The following SLC26A7 variants were observed in gnomAD, a reference collection of about 807,000 sequenced individuals.
SLC26A7 encodes solute carrier family 26 member 7.
In SLC26A7, 59 loss-of-function variants were observed where a neutral mutation model predicts 82.5. The ratio of observed to expected loss-of-function variants is 0.72; its 90% CI spans 0.58 to 0.89. The LOEUF is 0.89. Among genes scored for constraint, SLC26A7 ranks in the 40% least tolerant of loss-of-function variants. The pLI, the probability that SLC26A7 is intolerant of heterozygous loss-of-function variation, is 0.00. For missense variants in SLC26A7, 820 were observed against 793.0 expected (o/e 1.03, Z -0.41); for synonymous variants, 271 against 274.3 (o/e 0.99, Z 0.12).
At chr8:91,227,016 G>T (rs1168252814) in intron 2 of SLC26A7, among the ~76,000 whole-genome samples, 1 of 152,218 alleles carries the variant, frequency 6.6e-6, no homozygotes, top group East Asian at 1.9e-4. Context: ...CTTCTGCCCT[G>T]TGGGGTCAAC....
chr8:91,224,964 C>T (rs1280230001), intron 2 of SLC26A7, among the ~76,000 whole-genome samples: 1 of 152,204 alleles, frequency 6.6e-6, no homozygotes, highest in African/African-American at 2.4e-5. Flanking sequence ...CTCTGGCCAC[C>T]GACTGACACA....
intron 7 of SLC26A7, among the ~76,000 whole-genome samples, 197 bp from the exon 8 acceptor site, chr8:91,340,207 G>A (rs1813363441): frequency 6.6e-6 from 1 of 152,172 alleles, no homozygotes; most frequent in Non-Finnish European, 1.5e-5. Flanking sequence ...TCCCTGTGGT[G>A]TTCCTTGTAA....
chr8:91,378,443 G>T (rs1470468692), intron 15 of SLC26A7, among the ~76,000 whole-genome samples: 1 of 144,632 alleles, frequency 6.9e-6, no homozygotes, highest in Non-Finnish European at 1.5e-5. Flanking sequence ...ATAATATAAA[G>T]TATATATAAA....
intron 2 of SLC26A7, among the ~76,000 whole-genome samples, chr8:91,285,067 G>A (rs1012958629): frequency 1.3e-5 from 2 of 152,190 alleles, no homozygotes; most frequent in Non-Finnish European, 2.9e-5. Context: ...TGACAGGTTT[G>A]GTTTCTTCTG....
In SLC26A7 at chr8:91,302,118, C is replaced by A. The variant is rs111910452; in HGVS notation, c.477+6415C>A. Reference sequence around the variant, plus strand: ...TTACTAACATTTTCCTTCTAACCTACTGTATAATCATTTTTTTGTGAGTGT... The same window carrying A: ...TTACTAACATTTTCCTTCTAACCTAATGTATAATCATTTTTTTGTGAGTGT... On this transcript the variant is annotated intron_variant, in intron 4 of 18. Coordinates refer to ENST00000276609, the MANE Select transcript of SLC26A7 (RefSeq NM_052832.4). Among the ~76,000 whole-genome samples, 231 of 152,156 alleles carry A rather than the reference C, an allele frequency of 1.5e-3. 2 individuals carry two copies. The highest frequency in any genetic ancestry group is 5.5e-3 in the African/African-American group (228 of 41,550).
intron 1 of SLC26A7, among the ~76,000 whole-genome samples, chr8:91,215,794 G>T (rs2130654325): frequency 6.6e-6 from 1 of 152,246 alleles, no homozygotes; most frequent in African/African-American, 2.4e-5. Context: ...ATGAGGTTTT[G>T]TTAATTGAGG....
At chr8:91,359,239 T>G (rs1813977346) in intron 11 of SLC26A7, among the ~76,000 whole-genome samples, 1 of 152,218 alleles carries the variant, frequency 6.6e-6, no homozygotes, top group South Asian at 2.1e-4. Context: ...AGGATACGGC[T>G]TAAGATTTTT....
At position 91,362,430 on chromosome 8, in the gene SLC26A7, C is replaced by T. The variant is rs527879455; in HGVS notation, c.1392C>T (p.Thr464=). 3.0e-5 allele frequency: 48 copies of T among 1,613,146 alleles called. No individual in the cohort carries two copies. In the African/African-American group the frequency reaches 6.3e-4, roughly 21 times the overall value. Residue 464 remains threonine, a synonymous_variant, in exon 12 of 19, where the codon ACC becomes ACT. Transcript: ENST00000276609. The part of the protein sequence containing the change: ...NVGLLFGVVC[T]IAIVIGRFPR... ...GACTGCTGTTTGGTGTTGTTTGTAC[C>T]ATAGCTATAGTGATAGGACGCTTCC...
intron 3 of SLC26A7, among the ~76,000 whole-genome samples, chr8:91,292,440 A>G (rs1394281854): frequency 1.3e-5 from 2 of 152,146 alleles, no homozygotes; most frequent in Non-Finnish European, 2.9e-5. Flanking sequence ...GTTCCTGCAA[A>G]TTAATATACA....
At chr8:91,347,256 T>G (rs1393305276) in intron 9 of SLC26A7, among the ~76,000 whole-genome samples, 1 of 152,188 alleles carries the variant, frequency 6.6e-6, no homozygotes, top group Non-Finnish European at 1.5e-5. Context: ...TGTTGCACAT[T>G]TACAGAAAAT....
intron 15 of SLC26A7, among the ~76,000 whole-genome samples, chr8:91,383,264 G>C (rs984629453): frequency 2.0e-5 from 3 of 152,170 alleles, no homozygotes; most frequent in Non-Finnish European, 4.4e-5. Context: ...CAATACAAAT[G>C]ATGATTCTGA....
chr8:91,246,204 G>A (rs941172032), upstream of SLC26A7, among the ~76,000 whole-genome samples: 2 of 152,140 alleles, frequency 1.3e-5, no homozygotes, highest in Non-Finnish European at 2.9e-5. Context: ...ACTTTTGGAT[G>A]AACATTTGTA....
chr8:91,229,078 C>T (rs1323260816), intron 2 of SLC26A7, among the ~76,000 whole-genome samples: 3 of 152,160 alleles, frequency 2.0e-5, no homozygotes, highest in African/African-American at 4.8e-5. Flanking sequence ...AAAGGGATTC[C>T]TTTAAAATGT....
chr8:91,291,338 T>G (rs1811862544), intron 3 of SLC26A7, among the ~76,000 whole-genome samples: 1 of 152,114 alleles, frequency 6.6e-6, no homozygotes, highest in Non-Finnish European at 1.5e-5. Flanking sequence ...TACAACTCAC[T>G]GTTCAAGAAT....
chr8:91,256,576 C>T (rs927401705), intron 2 of SLC26A7, among the ~76,000 whole-genome samples: 1 of 152,008 alleles, frequency 6.6e-6, no homozygotes, highest in African/African-American at 2.4e-5. Context: ...TACAGTTTCC[C>T]AGGACCTCCA....
intron 2 of SLC26A7, 88 bp from the exon 3 acceptor site, chr8:91,289,048 T>C (rs1811790226): frequency 3.7e-6 from 3 of 817,042 alleles, no homozygotes; most frequent in Non-Finnish European, 6.2e-6. Context: ...TCATTTTGTC[T>C]ATAAGTAAAC....
At chr8:91,312,142 C>T (rs1406804906) in intron 4 of SLC26A7, among the ~76,000 whole-genome samples, 1 of 152,118 alleles carries the variant, frequency 6.6e-6, no homozygotes, top group African/African-American at 2.4e-5. Context: ...CCTTGGAAAC[C>T]ATCATTCTAC....
Position 91,304,407 on chromosome 8 carries a change from C to T in SLC26A7, c.477+8704C>T, listed in dbSNP as rs567813805. Among the ~76,000 whole-genome samples, 4 of 152,254 alleles carry T rather than the reference C, an allele frequency of 2.6e-5. No homozygotes were observed. In the South Asian group the frequency reaches 8.3e-4, roughly 32 times the overall value. On this transcript the variant is annotated intron_variant, in intron 4 of 18. Transcript: ENST00000276609. ...TGGCACTTCCTCCTTCTTTCTATCTCTCTCCTGCCACCATGTGAAGACATG... is the reference window on the plus strand; with the variant it reads ...TGGCACTTCCTCCTTCTTTCTATCTTTCTCCTGCCACCATGTGAAGACATG...
Position 91,369,805 on chromosome 8 carries a change from T to C in SLC26A7, c.1647T>C (p.Leu549=), listed in dbSNP as rs150773162. Residue 549 remains leucine, a synonymous_variant, in exon 15 of 19, where the codon CTT becomes CTC. Coordinates refer to ENST00000276609, the MANE Select transcript of SLC26A7 (RefSeq NM_052832.4). ...DISKCEQNTL[L]NSLSNGNCNE... is the part of the protein sequence containing the mutation. ...TTTAGTGTGAACAAAACACATTGCTTAATTCCCTATCCAATGGCAACTGCA... is the reference window on the plus strand; with the variant it reads ...TTTAGTGTGAACAAAACACATTGCTCAATTCCCTATCCAATGGCAACTGCA... 24 of 1,602,278 alleles carry C rather than the reference T, an allele frequency of 1.5e-5. No homozygotes were observed. In the African/African-American group the frequency reaches 2.3e-4, roughly 15 times the overall value.
Sources: gnomAD v4.1 joint callset for allele counts (sites outside exome capture counted in the v4.1 genomes callset) on GRCh38, gnomAD v4.1.1 for gene constraint, MANE v1.5 for transcripts, NCBI Gene and HGNC (gene_info 2026-07-23, HGNC 2026-07-21) for gene names.